The following C2CD3 variants were observed in gnomAD, a reference collection of about 807,000 sequenced individuals.
C2CD3 encodes the protein C2 domain-containing protein 3.
A neutral mutation model predicts 234.0 loss-of-function variants in C2CD3; 148 were observed. The ratio of observed to expected loss-of-function variants is 0.63; its 90% CI spans 0.55 to 0.72. The LOEUF is 0.72. Ranked by LOEUF, C2CD3 falls within the 30% of genes least tolerant of loss-of-function variation. The pLI is 0.00. For missense variants in C2CD3, 2,577 were observed against 2,811.5 expected (o/e 0.92, Z 1.89); for synonymous variants, 1,000 against 1,035.4 (o/e 0.97, Z 0.66).
At chr11:74,119,011 G>A (rs904724282) in intron 8 of C2CD3, among the ~76,000 whole-genome samples, 7 of 150,148 alleles carry the variant, frequency 4.7e-5, no homozygotes, top group Admixed American at 2.0e-4. Context: ...TGGGGCTCAT[G>A]TGATCCTCTT....
intron 29 of C2CD3, 143 bp from the exon 30 acceptor site, chr11:74,037,841 C>T (rs144276208): frequency 0.016 from 10,812 of 656,680 alleles, 112 homozygotes; most frequent in Non-Finnish European, 0.023. Context: ...CCCTCTCTCT[C>T]CAATCCACCA....
chr11:74,085,037 T>C lies in C2CD3; in HGVS notation c.3911-67A>G, dbSNP rs1249754572. The C allele has an allele frequency of 8.3e-6, 7 of 843,620 alleles. No homozygotes were observed. In the East Asian group the frequency reaches 1.7e-4, roughly 21 times the overall value. The allele number at this position is 843,620 out of a possible 1,614,324, so 52.3% of individuals were successfully genotyped here. On this transcript the variant is annotated intron_variant, in intron 21 of 32. Transcript: ENST00000334126. Reference sequence around the variant, plus strand: ...TTCATCAAGGGGCTAGTTTACAGTATATCCACACAACCCTCCCCTTATATG... The same window carrying C: ...TTCATCAAGGGGCTAGTTTACAGTACATCCACACAACCCTCCCCTTATATG...
At chr11:74,048,971 A>AT (rs1369971732) in intron 27 of C2CD3, among the ~76,000 whole-genome samples, 2 of 152,198 alleles carry the variant, frequency 1.3e-5, no homozygotes, top group African/African-American at 4.8e-5. Context: ...TCTTTCAATT[A>AT]TTTTTTTAAA....
chr11:74,111,917 G>GAT lies in C2CD3; in HGVS notation c.1843+1861_1843+1862dup, dbSNP rs1565306585. On this transcript the variant is annotated intron_variant, in intron 11 of 32. Transcript: ENST00000334126. Reference sequence around the variant, plus strand: ...CACCCCTGGAGTAAACATATTTGCTGATACACACACACACACACACACACA... The same window carrying GAT: ...CACCCCTGGAGTAAACATATTTGCTGATATACACACACACACACACACACACA... Among the ~76,000 whole-genome samples the GAT allele has an allele frequency of 1.0e-3, 75 of 73,006 alleles. 1 individual carries two copies. The highest frequency in any genetic ancestry group is 5.0e-3 in the African/African-American group (73 of 14,660). The allele number at this position is 73,006 out of a possible 152,430, so 47.9% of individuals were successfully genotyped here.
At chr11:74,105,385 C>T (rs1043323381) in intron 13 of C2CD3, among the ~76,000 whole-genome samples, 1 of 152,050 alleles carries the variant, frequency 6.6e-6, no homozygotes, top group Non-Finnish European at 1.5e-5. Context: ...ATTTTTGTGT[C>T]TCAGCCTCCC....
At position 74,043,633 on chromosome 11, in the gene C2CD3, G is replaced by C. The variant is rs143041303; in HGVS notation, c.5496-1415C>G. Among the ~76,000 whole-genome samples the C allele has an allele frequency of 1.3e-3, 190 of 151,908 alleles. 1 individual carries two copies. The highest frequency in any genetic ancestry group is 4.5e-3 in the African/African-American group (188 of 41,446). ...TCCAATTTATCTACCCCTTCCTAAG[G>C]CTTGAGATATCTTTTTTTTTTTTTA... On this transcript the variant is annotated intron_variant, in intron 28 of 32. Coordinates refer to ENST00000334126, the MANE Select transcript of C2CD3 (RefSeq NM_001286577.2).
intron 3 of C2CD3, among the ~76,000 whole-genome samples, chr11:74,147,760 T>C (rs1232650433): frequency 1.3e-5 from 2 of 152,242 alleles, no homozygotes; most frequent in Admixed American, 1.3e-4. Context: ...AAAGTTTTAT[T>C]GGCAAGGAAC....
rs551953441 is a variant in C2CD3 at position 74,112,778 on chromosome 11, TA to T, written c.1843+1001del. The stretch of plus-strand genomic sequence containing the variant: ...TTCACATCCACCAGGATGACCAGAA[TA>T]AAAAAGAATGGAAAGTAACAAGTGT... On this transcript the variant is annotated intron_variant, in intron 11 of 32. Transcript: ENST00000334126. Among the ~76,000 whole-genome samples, 99 of 152,114 alleles carry T rather than the reference TA, an allele frequency of 6.5e-4. 2 individuals are homozygous for T. Among genetic ancestry groups the T allele is most frequent in the African/African-American group, 2.2e-3 (90 of 41,508 alleles).
At chr11:74,144,002 T>A (rs117536220) in intron 3 of C2CD3, among the ~76,000 whole-genome samples, 78 of 152,318 alleles carry the variant, frequency 5.1e-4, no homozygotes, top group Middle Eastern at 3.4e-3. Context: ...GTTGTCAAAT[T>A]AATATGTGTA....
chr11:74,096,617 T>C (rs1956116983), intron 16 of C2CD3, among the ~76,000 whole-genome samples: 1 of 152,202 alleles, frequency 6.6e-6, no homozygotes, highest in Admixed American at 6.5e-5. Context: ...CAATTGTTTT[T>C]ATAGATATCT....
At chr11:74,150,522 A>AAAAAAAAACAAAAC (rs1855558619) in intron 3 of C2CD3, among the ~76,000 whole-genome samples, 1 of 63,540 alleles carries the variant, frequency 1.6e-5, no homozygotes, top group Non-Finnish European at 3.2e-5. Context: ...AAAACAAAAA[A>AAAAAAAAACAAAAC]AAAACAAAAC....
chr11:74,045,656 C>T (rs1249241751), intron 28 of C2CD3, among the ~76,000 whole-genome samples: 1 of 151,934 alleles, frequency 6.6e-6, no homozygotes, highest in Non-Finnish European at 1.5e-5. Flanking sequence ...ACTGTAGCCT[C>T]GACCTCCTGG....
In C2CD3 at chr11:74,103,367, C is replaced by G. The variant is rs147717518; in HGVS notation, c.2344G>C (p.Val782Leu). ...SPVAPHPSTFVATPASHNLVN... is the reference protein window; with the variant it reads ...SPVAPHPSTFLATPASHNLVN... ...AAATTATGGGAGGCTGGCGTAGCTA[C>G]GAAGGTTGAAGGATGTGGTGCTACA... is the stretch of plus-strand genomic sequence containing the variant. The change falls in exon 14 of 33, where the codon GTA becomes CTA. Residue 782 changes from valine to leucine, a missense_variant. Transcript: ENST00000334126. 2.5e-6 allele frequency: 4 copies of G among 1,614,052 alleles called. No individual in the cohort carries two copies. The African/African-American group carries it at 5.3e-5, about 22-fold the overall frequency.
intron 31 of C2CD3, among the ~76,000 whole-genome samples, chr11:74,033,140 G>A (rs773991732): frequency 2.0e-5 from 3 of 152,184 alleles, no homozygotes; most frequent in Non-Finnish European, 2.9e-5. Flanking sequence ...AATGTGCTAC[G>A]AATGCCTAAA....
At chr11:74,084,346 G>T (rs1043075671) in intron 22 of C2CD3, among the ~76,000 whole-genome samples, 6 of 151,480 alleles carry the variant, frequency 4.0e-5, no homozygotes, top group African/African-American at 1.5e-4. Flanking sequence ...TAATGTAAAT[G>T]ACAAGTTAAT....
intron 2 of C2CD3, among the ~76,000 whole-genome samples, chr11:74,166,237 G>A (rs1226872360): frequency 6.6e-6 from 1 of 151,476 alleles, no homozygotes; most frequent in East Asian, 2.0e-4. Flanking sequence ...GTGAACCCAG[G>A]AAGTGGGAGG....
At chr11:74,110,195 G>A (rs1298561202) in intron 11 of C2CD3, among the ~76,000 whole-genome samples, 1 of 146,852 alleles carries the variant, frequency 6.8e-6, no homozygotes, top group African/African-American at 2.6e-5. Context: ...TACCACCGCA[G>A]AAACAATTTA....
rs766845407 is a variant in C2CD3, at chr11:74,042,102, A to C, written c.5612T>G (p.Leu1871Arg). ...GEAPLPCDDK[L>R]TTSPLSSQTS... Reference sequence around the variant, plus strand: ...TTGGGAGGACAAAGGTGATGTGGTCAGTTTGTCATCACATGGCAAGGGTGC... The same window carrying C: ...TTGGGAGGACAAAGGTGATGTGGTCCGTTTGTCATCACATGGCAAGGGTGC... Residue 1871 changes from leucine to arginine, a missense_variant, in exon 29 of 33, where the codon CTG becomes CGG. Leu to Arg is a moderately radical substitution (Grantham distance 102). Transcript: ENST00000334126. 2.0e-5 allele frequency: 32 copies of C among 1,613,916 alleles called. No individual in the cohort carries two copies. The East Asian group carries it at 6.5e-4, about 33-fold the overall frequency.
chr11:74,052,372 G>T (rs1410157049), intron 26 of C2CD3, among the ~76,000 whole-genome samples: 1 of 152,192 alleles, frequency 6.6e-6, no homozygotes. Context: ...TGCAAGGCCA[G>T]TACTATTATT....
Sources: gnomAD v4.1 joint callset for allele counts (sites outside exome capture counted in the v4.1 genomes callset) on GRCh38, gnomAD v4.1.1 for gene constraint, MANE v1.5 for transcripts, NCBI Gene and HGNC (gene_info 2026-07-23, HGNC 2026-07-21) for gene names.